PRIM2: variants seen among roughly 807,000 people sequenced by gnomAD.
The protein encoded by PRIM2 is DNA primase large subunit.
In PRIM2, 39 loss-of-function variants were observed where a neutral mutation model predicts 67.3. The ratio of observed to expected loss-of-function variants is 0.58; its 90% CI spans 0.45 to 0.76. The LOEUF (loss-of-function observed/expected upper bound fraction) is 0.76, where lower values mean the gene tolerates loss of function less well. Among genes scored for constraint, PRIM2 ranks in the 30% least tolerant of loss-of-function variants. The pLI, the probability that PRIM2 is intolerant of heterozygous loss-of-function variation, is 0.00. For missense variants in PRIM2, 398 were observed against 598.7 expected (o/e 0.66, Z 3.50); for synonymous variants, 143 against 198.7 (o/e 0.72, Z 2.36).
chr6:57,607,065 A>G (rs1467177813), intron 12 of PRIM2, among the ~76,000 whole-genome samples: 7 of 152,214 alleles, frequency 4.6e-5, no homozygotes, highest in Non-Finnish European at 8.8e-5. Context: ...ACTATTTTCT[A>G]TAGTGTGCTT....
chr6:57,530,903 A>T (rs1774875370), intron 8 of PRIM2, among the ~76,000 whole-genome samples: 7 of 151,992 alleles, frequency 4.6e-5, no homozygotes. Context: ...AGGTTTTGTC[A>T]TGTTGCTTAG....
the PRIM2 span, among the ~76,000 whole-genome samples, chr6:57,297,430 A>G: frequency 6.6e-6 from 1 of 152,190 alleles, no homozygotes; most frequent in Non-Finnish European, 1.5e-5. Flanking sequence ...CCTGGGTGAC[A>G]GAGCAAGACT....
At chr6:57,343,663 A>G (rs1768573787) in intron 5 of PRIM2, among the ~76,000 whole-genome samples, 3 of 152,190 alleles carry the variant, frequency 2.0e-5, no homozygotes, top group Non-Finnish European at 4.4e-5. Flanking sequence ...GTGAAGTGGG[A>G]TGGTAAAACA....
Position 57,378,376 on chromosome 6 carries a change from A to T in PRIM2, c.460-1525A>T, listed in dbSNP as rs567990004. Among the ~76,000 whole-genome samples, 502 of 149,620 alleles carry T rather than the reference A, an allele frequency of 3.4e-3. 2 individuals carry two copies. The highest frequency in any genetic ancestry group is 0.011 in the African/African-American group (464 of 40,836). ...CCACCGTGCCCAGCCTTTTGCTTTT[A>T]AAAAAAAAATCACTTTTTATAGTTT... On this transcript the variant is annotated intron_variant, in intron 5 of 13. Transcript: ENST00000615550.
intron 7 of PRIM2, among the ~76,000 whole-genome samples, chr6:57,444,808 T>G (rs933527048): frequency 6.6e-6 from 1 of 151,996 alleles, no homozygotes; most frequent in East Asian, 1.9e-4. Context: ...GGCTCCTCTC[T>G]GCATAGTATG....
intron 12 of PRIM2, among the ~76,000 whole-genome samples, chr6:57,614,851 A>AATATATATAT (rs1327651292): frequency 1.3e-5 from 2 of 150,852 alleles, no homozygotes; most frequent in South Asian, 2.1e-4. Flanking sequence ...CTCTGTCTCA[A>AATATATATAT]ATATATATAT....
intron 10 of PRIM2, among the ~76,000 whole-genome samples, chr6:57,587,664 C>CAAAAAAAAAAAAAAA (rs1157172882): frequency 3.7e-5 from 2 of 54,236 alleles, no homozygotes; most frequent in African/African-American, 1.5e-4. Context: ...GACTCTGTCT[C>CAAAAAAAAAAAAAAA]AAAAAAAAAA....
chr6:57,246,328 A>G, the PRIM2 span, among the ~76,000 whole-genome samples: 10 of 152,258 alleles, frequency 6.6e-5, no homozygotes, highest in African/African-American at 2.4e-4. Flanking sequence ...GAAAATGGCT[A>G]TGAAACTAGA....
chr6:57,533,587 AT>A (rs1258226300), intron 9 of PRIM2, among the ~76,000 whole-genome samples: 1 of 152,206 alleles, frequency 6.6e-6, no homozygotes, highest in African/African-American at 2.4e-5. Context: ...TAATTTTTTT[AT>A]TAAACACTTA....
chr6:57,352,776 T>TG (rs1024637198), intron 5 of PRIM2, among the ~76,000 whole-genome samples: 1 of 152,076 alleles, frequency 6.6e-6, no homozygotes, highest in Non-Finnish European at 1.5e-5. Flanking sequence ...AAGTGTCATT[T>TG]GGGGGAGCCA....
At chr6:57,635,344 A>T (rs1485086192) in intron 13 of PRIM2, among the ~76,000 whole-genome samples, 1 of 152,228 alleles carries the variant, frequency 6.6e-6, no homozygotes, top group East Asian at 1.9e-4. Context: ...TGCTGATTCC[A>T]AGCAAATGTT....
chr6:57,297,311 G>A, the PRIM2 span, among the ~76,000 whole-genome samples: 5 of 152,054 alleles, frequency 3.3e-5, no homozygotes, highest in South Asian at 4.2e-4. Flanking sequence ...GCATGGTGGC[G>A]GGTGCCTGTA....
chr6:57,414,456 C>G (rs1771193947), intron 7 of PRIM2, among the ~76,000 whole-genome samples: 1 of 151,968 alleles, frequency 6.6e-6, no homozygotes, highest in African/African-American at 2.4e-5. Context: ...ACCTTTAAAC[C>G]TGTAAAGAAA....
rs1221076931 is a variant in PRIM2, at chr6:57,518,411, G to A, written c.761+10957G>A. Among the ~76,000 whole-genome samples the A allele has an allele frequency of 3.2e-4, 49 of 152,232 alleles. No individual in the cohort carries two copies. In the South Asian group the frequency reaches 5.4e-3, roughly 17 times the overall value. ...AGCAACATCACTAGTTGGAATGATC[G>A]TTTTAATTTGTTTGCTTGTTCAATA... On this transcript the variant is annotated intron_variant, in intron 8 of 13. Coordinates refer to ENST00000615550, the MANE Select transcript of PRIM2 (RefSeq NM_000947.5).
rs1296725039 is a variant in PRIM2, at chr6:57,497,808, G to A, written c.694-9579G>A. 1.4e-3 allele frequency: 212 copies of A among 152,234 alleles called. 1 individual carries two copies. Among genetic ancestry groups the A allele is most frequent in the African/African-American group, 4.7e-3 (196 of 41,560 alleles). 9.4% of individuals were successfully genotyped at this position (152,234 alleles called of 1,614,324 possible). A position where few individuals can be genotyped will look rare whatever the true frequency, so the allele number is the denominator to read the frequency against. ...GTGAGAGCCCTGTGGAAACCAAAAA[G>A]TGCTGTGGGCATTTGAACACTAGAC... On this transcript the variant is annotated intron_variant, in intron 7 of 13. Coordinates refer to ENST00000615550, the MANE Select transcript of PRIM2 (RefSeq NM_000947.5).
chr6:57,466,091 G>A (rs1201392521), intron 7 of PRIM2, among the ~76,000 whole-genome samples: 3 of 151,902 alleles, frequency 2.0e-5, no homozygotes, highest in African/African-American at 7.3e-5. Context: ...CTGTTCCTGT[G>A]TTAGTTTGTT....
At chr6:57,510,099 C>A (rs1285825760) in intron 8 of PRIM2, among the ~76,000 whole-genome samples, 1 of 151,830 alleles carries the variant, frequency 6.6e-6, no homozygotes, top group Non-Finnish European at 1.5e-5. Flanking sequence ...CCCATGCCTT[C>A]TTCTGTATTA....
chr6:57,507,412 T>G lies in PRIM2; in HGVS notation c.719T>G (p.Val240Gly). 1 of 1,559,710 alleles carries G rather than the reference T, an allele frequency of 6.4e-7. No homozygotes were observed. Among genetic ancestry groups the G allele is most frequent in the Middle Eastern group, 1.7e-4 (1 of 5,938 alleles). ...TTAACAGCCAGGTCCTTGCCTGCTG[T>G]GCAGTCTGATGAAAGACTTCAGCCT... Reference protein sequence around the residue: ...LALTARSLPAVQSDERLQPLL... With the variant: ...LALTARSLPAGQSDERLQPLL... The change falls in exon 8 of 14, where the codon GTG becomes GGG. Residue 240 changes from valine to glycine, a missense_variant. Physicochemically the swap from Val to Gly is moderately radical, Grantham distance 109. Transcript: ENST00000615550.
chr6:57,575,847 A>G (rs1224426789), intron 10 of PRIM2, among the ~76,000 whole-genome samples: 1 of 152,058 alleles, frequency 6.6e-6, no homozygotes, highest in Non-Finnish European at 1.5e-5. Flanking sequence ...TGTGCGACCT[A>G]GACTCACTGC....
Sources: allele counts gnomAD v4.1 joint callset (sites outside exome capture counted in the v4.1 genomes callset), GRCh38; gene constraint gnomAD v4.1.1; transcripts MANE v1.5; gene names NCBI Gene and HGNC (gene_info 2026-07-23, HGNC 2026-07-21).